The following ADK variants were observed in gnomAD, a reference collection of about 807,000 sequenced individuals.
ADK encodes adenosine kinase.
Under a neutral mutation model 44.7 loss-of-function variants are expected in ADK, and 24 were observed. That is an observed-to-expected ratio of 0.54 (90% confidence interval 0.39 to 0.76). ADK has a LOEUF of 0.76. ADK is among the 30% of genes least tolerant of loss of function. ADK has a pLI of 0.00. For missense variants in ADK, 321 were observed against 425.1 expected (o/e 0.76, Z 2.15); for synonymous variants, 128 against 142.6 (o/e 0.90, Z 0.73).
intron 10 of ADK, among the ~76,000 whole-genome samples, chr10:74,679,172 A>G (rs2134225705): frequency 6.6e-6 from 1 of 152,278 alleles, no homozygotes; most frequent in South Asian, 2.1e-4. Flanking sequence ...CCCTTTTATT[A>G]CTACAACATC....
chr10:74,470,623 A>G (rs1280607886), intron 6 of ADK, among the ~76,000 whole-genome samples: 2 of 30,810 alleles, frequency 6.5e-5, no homozygotes, highest in Admixed American at 3.4e-4. Flanking sequence ...CCCTTTGACA[A>G]TTTTTCATTT....
chr10:74,397,856 A>G (rs896769653), intron 5 of ADK, among the ~76,000 whole-genome samples: 2 of 152,180 alleles, frequency 1.3e-5, no homozygotes, highest in Admixed American at 6.5e-5. Flanking sequence ...AAGATTTTAA[A>G]TGCAGTATCC....
chr10:74,313,198 T>C (rs1411048531), intron 3 of ADK, among the ~76,000 whole-genome samples: 2 of 152,112 alleles, frequency 1.3e-5, no homozygotes, highest in Non-Finnish European at 1.5e-5. Flanking sequence ...TGGAGTCTTC[T>C]CCATGAAAGG....
intron 7 of ADK, among the ~76,000 whole-genome samples, chr10:74,526,902 T>C (rs1849062671): frequency 6.6e-6 from 1 of 152,232 alleles, no homozygotes; most frequent in Non-Finnish European, 1.5e-5. Flanking sequence ...TTCAAGCCTT[T>C]TGAATAACAT....
chr10:74,688,607 A>G (rs748407402), intron 10 of ADK, among the ~76,000 whole-genome samples: 3 of 152,214 alleles, frequency 2.0e-5, no homozygotes, highest in Non-Finnish European at 4.4e-5. Flanking sequence ...GATCAGGTCA[A>G]CTTGGTTTAA....
intron 6 of ADK, among the ~76,000 whole-genome samples, chr10:74,511,285 T>A (rs1448625829): frequency 2.0e-5 from 3 of 152,212 alleles, no homozygotes; most frequent in Non-Finnish European, 2.9e-5. Flanking sequence ...TATTTTGAGG[T>A]CTGATAGTGT....
At chr10:74,394,548 A>C (rs562497289) in intron 5 of ADK, among the ~76,000 whole-genome samples, 1 of 152,180 alleles carries the variant, frequency 6.6e-6, no homozygotes, top group African/African-American at 2.4e-5. Context: ...TCCAGTCTCT[A>C]CTTTTTATAA....
chr10:74,664,701 G>A (rs1854883605), intron 9 of ADK, among the ~76,000 whole-genome samples: 1 of 151,996 alleles, frequency 6.6e-6, no homozygotes, highest in Admixed American at 6.6e-5. Context: ...AAATTAGCCG[G>A]GCATGGTGGT....
intron 10 of ADK, among the ~76,000 whole-genome samples, chr10:74,683,077 T>C (rs902115611): frequency 3.9e-5 from 6 of 152,188 alleles, no homozygotes; most frequent in South Asian, 2.1e-4. Context: ...CTAGACTACA[T>C]AGAAAATACA....
intron 2 of ADK, among the ~76,000 whole-genome samples, chr10:74,202,584 G>A (rs1843434823): frequency 6.6e-6 from 1 of 152,194 alleles, no homozygotes; most frequent in South Asian, 2.1e-4. Context: ...CCTACCGGCA[G>A]TGCATAAGTG....
intron 6 of ADK, among the ~76,000 whole-genome samples, chr10:74,519,033 A>T (rs1848706096): frequency 6.6e-6 from 1 of 151,942 alleles, no homozygotes; most frequent in Non-Finnish European, 1.5e-5. Flanking sequence ...TCCAGGACCC[A>T]TATGAAAAAT....
At chr10:74,525,064 G>A (rs1046646156) in intron 6 of ADK, among the ~76,000 whole-genome samples, 192 bp from the exon 7 acceptor site, 16 of 152,150 alleles carry the variant, frequency 1.1e-4, no homozygotes, top group Non-Finnish European at 2.1e-4. Flanking sequence ...ATTCTCTGAA[G>A]TAATGGCATG....
chr10:74,454,177 T>G (rs1475381159), intron 6 of ADK, among the ~76,000 whole-genome samples: 1 of 152,130 alleles, frequency 6.6e-6, no homozygotes, highest in African/African-American at 2.4e-5. Flanking sequence ...TTTCCCCATT[T>G]AAAAAATTGT....
chr10:74,180,279 C>G (rs1384138811), intron 1 of ADK, among the ~76,000 whole-genome samples: 1 of 150,060 alleles, frequency 6.7e-6, no homozygotes, highest in Non-Finnish European at 1.5e-5. Flanking sequence ...GCTCTGTCGC[C>G]CAGGCTGGAG....
At chr10:74,249,905 G>A (rs1845582383) in intron 3 of ADK, among the ~76,000 whole-genome samples, 1 of 152,132 alleles carries the variant, frequency 6.6e-6, no homozygotes, top group Admixed American at 6.5e-5. Context: ...TGAATACAGT[G>A]CCAGACAGTA....
At chr10:74,303,320 C>T (rs1266704741) in intron 3 of ADK, among the ~76,000 whole-genome samples, 2 of 152,052 alleles carry the variant, frequency 1.3e-5, no homozygotes, top group South Asian at 2.1e-4. Flanking sequence ...TCTTTTGGCA[C>T]TTTGCATCTG....
At chr10:74,682,982 G>A (rs1855666727) in intron 10 of ADK, among the ~76,000 whole-genome samples, 1 of 152,138 alleles carries the variant, frequency 6.6e-6, no homozygotes, top group Admixed American at 6.5e-5. Flanking sequence ...TGAAAAATCA[G>A]TTTTCTAAAA....
At chr10:74,575,143 G>T (rs1441708397) in intron 7 of ADK, among the ~76,000 whole-genome samples, 2 of 152,128 alleles carry the variant, frequency 1.3e-5, no homozygotes, top group Admixed American at 1.3e-4. Context: ...TTATTTGAGG[G>T]CTTCTCTTTT....
intron 9 of ADK, among the ~76,000 whole-genome samples, chr10:74,604,805 A>T (rs1852261213): frequency 6.6e-6 from 1 of 152,178 alleles, no homozygotes; most frequent in African/African-American, 2.4e-5. Context: ...TGGTAGCTTG[A>T]TGGGGAAAGC....
Sources: gnomAD v4.1 joint callset for allele counts (sites outside exome capture counted in the v4.1 genomes callset) on GRCh38, gnomAD v4.1.1 for gene constraint, MANE v1.5 for transcripts, NCBI Gene and HGNC (gene_info 2026-07-23, HGNC 2026-07-21) for gene names.